NTM: variants seen among roughly 807,000 people sequenced by gnomAD.
The protein encoded by NTM is neurotrimin, also known as IgLON family member 2.
NTM carries 13 observed loss-of-function variants against 42.1 expected under a neutral mutation model. The observed-to-expected ratio is 0.31, with a 90% CI of 0.20 to 0.49. The LOEUF (loss-of-function observed/expected upper bound fraction) is 0.49. NTM is among the 20% of genes least tolerant of loss of function. The pLI, the probability that NTM is intolerant of heterozygous loss-of-function variation, is 0.99. For missense variants in NTM, 373 were observed against 452.8 expected (o/e 0.82, Z 1.60); for synonymous variants, 187 against 179.2 (o/e 1.04, Z -0.35).
At chr11:131,424,903 A>C (rs1362997711) in intron 1 of NTM, among the ~76,000 whole-genome samples, 2 of 137,210 alleles carry the variant, frequency 1.5e-5, no homozygotes, top group Non-Finnish European at 3.1e-5. Context: ...TTTTTGAGAC[A>C]GAGTCTCGCT....
chr11:131,827,685 G>T (rs551016659), intron 1 of NTM, among the ~76,000 whole-genome samples: 1 of 152,140 alleles, frequency 6.6e-6, no homozygotes, highest in Non-Finnish European at 1.5e-5. Context: ...TCAACTAAGA[G>T]AGAAAACAAA....
chr11:131,435,677 A>C (rs1189240050), intron 1 of NTM, among the ~76,000 whole-genome samples: 3 of 152,342 alleles, frequency 2.0e-5, no homozygotes, highest in African/African-American at 7.2e-5. Context: ...CAGCTTAAGG[A>C]TATTTTGGGC....
At chr11:131,439,866 T>G (rs1009635244) in intron 1 of NTM, among the ~76,000 whole-genome samples, 1 of 151,464 alleles carries the variant, frequency 6.6e-6, no homozygotes, top group African/African-American at 2.4e-5. Flanking sequence ...CAGTTGGAAA[T>G]GCAGAAGTCA....
chr11:131,886,962 ACCATTC>A (rs924074282), intron 1 of NTM, among the ~76,000 whole-genome samples: 31 of 152,214 alleles, frequency 2.0e-4, no homozygotes, highest in African/African-American at 5.8e-4. Context: ...AGCGAGCACT[ACCATTC>A]TCATTTTACA....
intron 1 of NTM, among the ~76,000 whole-genome samples, chr11:131,789,649 A>G (rs1210564796): frequency 4.4e-5 from 6 of 135,398 alleles, no homozygotes; most frequent in African/African-American, 5.6e-5. Context: ...GAAGAAGAAG[A>G]AGAAGAAGAA....
chr11:131,432,894 G>GTCA (rs1948795281), intron 1 of NTM, among the ~76,000 whole-genome samples: 4 of 98,752 alleles, frequency 4.1e-5, no homozygotes, highest in African/African-American at 7.9e-5. Context: ...CACTCTGTTT[G>GTCA]CCCAGGCTGG....
At chr11:131,794,737 G>A (rs1245354187) in intron 1 of NTM, 1 of 985,404 alleles carries the variant, frequency 1.0e-6, no homozygotes, top group Non-Finnish European at 1.2e-6. Context: ...GATAGCTTGT[G>A]TAGGACTTAG....
intron 1 of NTM, among the ~76,000 whole-genome samples, chr11:131,403,778 T>C (rs902224168): frequency 6.6e-6 from 1 of 152,176 alleles, no homozygotes; most frequent in Non-Finnish European, 1.5e-5. Flanking sequence ...ACAGAAGCAA[T>C]CAGGAACTAA....
chr11:131,738,279 C>G (rs550633169), intron 1 of NTM, among the ~76,000 whole-genome samples: 2 of 152,316 alleles, frequency 1.3e-5, no homozygotes, highest in Admixed American at 6.5e-5. Context: ...GGCGGTGGCT[C>G]TGGGGTACCC....
intron 1 of NTM, among the ~76,000 whole-genome samples, chr11:131,643,357 C>T (rs777731921): frequency 1.9e-4 from 29 of 152,208 alleles, no homozygotes; most frequent in Non-Finnish European, 3.2e-4. Context: ...AGCCTGCTGA[C>T]GGTTCCAGCA....
At chr11:131,633,559 C>G (rs1327985000) in intron 1 of NTM, among the ~76,000 whole-genome samples, 2 of 149,878 alleles carry the variant, frequency 1.3e-5, no homozygotes, top group Non-Finnish European at 3.0e-5. Context: ...ATCTCTCCCT[C>G]TCTCTCTCTC....
rs1170732527 is a variant in NTM, at chr11:132,142,807, A to G, written c.168-3475A>G. 3.3e-5 allele frequency among the ~76,000 whole-genome samples: 5 copies of G among 152,178 alleles called. No individual in the cohort carries two copies. The East Asian group carries it at 7.7e-4, about 23-fold the overall frequency. ...GGAAATTGGCTGCGTTCTGAGTGCT[A>G]GTGCATCTGCAGACGAACCTCTCTG... On this transcript the variant is annotated intron_variant, in intron 2 of 8. Coordinates refer to ENST00000683400, the MANE Select transcript of NTM (RefSeq NM_001352005.2).
chr11:131,703,725 C>T (rs2076298059), intron 1 of NTM, among the ~76,000 whole-genome samples: 1 of 152,182 alleles, frequency 6.6e-6, no homozygotes, highest in African/African-American at 2.4e-5. Context: ...AGGAGTTTCA[C>T]ATTACTGATG....
At chr11:132,203,821 C>A (rs1252413981) in intron 3 of NTM, among the ~76,000 whole-genome samples, 1 of 152,076 alleles carries the variant, frequency 6.6e-6, no homozygotes, top group Non-Finnish European at 1.5e-5. Context: ...ATGGCATGAA[C>A]CTGGGAGGTG....
intron 1 of NTM, among the ~76,000 whole-genome samples, chr11:131,728,349 A>G (rs1188334547): frequency 6.6e-6 from 1 of 152,208 alleles, no homozygotes; most frequent in Non-Finnish European, 1.5e-5. Flanking sequence ...TTTTGCTACT[A>G]TGGCTCACAG....
chr11:131,656,638 G>C (rs923092895), intron 1 of NTM, among the ~76,000 whole-genome samples: 1 of 152,180 alleles, frequency 6.6e-6, no homozygotes, highest in African/African-American at 2.4e-5. Flanking sequence ...TCCGGTTCTG[G>C]TTTGGACAAA....
chr11:131,982,300 T>C (rs563493746), intron 2 of NTM, among the ~76,000 whole-genome samples: 1 of 151,992 alleles, frequency 6.6e-6, no homozygotes, highest in East Asian at 1.9e-4. Context: ...CTCCCCAGTG[T>C]GGGGTTTCTT....
intron 2 of NTM, among the ~76,000 whole-genome samples, chr11:132,132,087 C>A (rs1186672789): frequency 1.3e-5 from 2 of 150,552 alleles, no homozygotes; most frequent in African/African-American, 5.0e-5. Context: ...TGGAATGAAC[C>A]AGCTGATGCA....
At chr11:131,766,062 G>T (rs1225742674) in intron 1 of NTM, among the ~76,000 whole-genome samples, 1 of 152,110 alleles carries the variant, frequency 6.6e-6, no homozygotes, top group South Asian at 2.1e-4. Flanking sequence ...CTAAACAATT[G>T]CCCTGGGCAT....
Sources: gnomAD v4.1 joint callset for allele counts (sites outside exome capture counted in the v4.1 genomes callset) on GRCh38, gnomAD v4.1.1 for gene constraint, MANE v1.5 for transcripts, NCBI Gene and HGNC (gene_info 2026-07-23, HGNC 2026-07-21) for gene names.